Variants in CSTPP1 observed in about 807,000 individuals in gnomAD.
The protein encoded by CSTPP1 is UPF0705 protein C11orf49.
At chr11:46,977,697 A>G in the CSTPP1 span, among the ~76,000 whole-genome samples, 1 of 152,256 alleles carries the variant, frequency 6.6e-6, no homozygotes, top group Non-Finnish European at 1.5e-5. Flanking sequence ...AGAAAAAAAG[A>G]AAATAGTTAT....
the CSTPP1 span, chr11:47,164,245 G>GA: frequency 3.2e-5 from 51 of 1,612,954 alleles, no homozygotes; most frequent in South Asian, 5.6e-4. Flanking sequence ...TGGGAGCCCA[G>GA]AGAGTGAGGC....
At chr11:47,079,812 G>A in the CSTPP1 span, among the ~76,000 whole-genome samples, 1 of 152,018 alleles carries the variant, frequency 6.6e-6, no homozygotes, top group Non-Finnish European at 1.5e-5. Flanking sequence ...GAAGAAATAC[G>A]GCCGGGCGCG....
chr11:47,121,448 C>T, the CSTPP1 span, among the ~76,000 whole-genome samples: 1 of 152,120 alleles, frequency 6.6e-6, no homozygotes, highest in Non-Finnish European at 1.5e-5. Context: ...CTAGATATTA[C>T]TGTGTAAGGT....
At chr11:46,939,560 T>C in the CSTPP1 span, among the ~76,000 whole-genome samples, 1 of 151,882 alleles carries the variant, frequency 6.6e-6, no homozygotes. Context: ...GAGGCTGACG[T>C]AGGAGGATTG....
At chr11:47,146,136 G>A in the CSTPP1 span, among the ~76,000 whole-genome samples, 5 of 152,030 alleles carry the variant, frequency 3.3e-5, no homozygotes, top group Non-Finnish European at 7.4e-5. Flanking sequence ...GCCGAGGCGG[G>A]TGGATCACCT....
the CSTPP1 span, chr11:47,103,619 A>G: frequency 6.6e-6 from 1 of 150,776 alleles, no homozygotes; most frequent in African/African-American, 2.5e-5. Context: ...ATACTGGGGA[A>G]TTTGGAAGGG....
At chr11:46,940,375 C>T in the CSTPP1 span, among the ~76,000 whole-genome samples, 1 of 152,242 alleles carries the variant, frequency 6.6e-6, no homozygotes, top group East Asian at 1.9e-4. Flanking sequence ...ATAAGTTCCA[C>T]AAAGTGGAAT....
At chr11:46,959,104 C>A in the CSTPP1 span, among the ~76,000 whole-genome samples, 1 of 151,990 alleles carries the variant, frequency 6.6e-6, no homozygotes, top group Non-Finnish European at 1.5e-5. Flanking sequence ...AATTTCTACT[C>A]CATTTAAAAA....
At chr11:47,114,620 T>A in the CSTPP1 span, among the ~76,000 whole-genome samples, 1 of 152,226 alleles carries the variant, frequency 6.6e-6, no homozygotes, top group African/African-American at 2.4e-5. Context: ...ACTCATGATT[T>A]GGCTCTCTGT....
chr11:47,045,696 G>A, the CSTPP1 span, among the ~76,000 whole-genome samples: 2 of 152,120 alleles, frequency 1.3e-5, no homozygotes, highest in East Asian at 3.8e-4. Context: ...CAGAATGTGG[G>A]AAACAGTAGT....
chr11:47,075,491 C>T, the CSTPP1 span, among the ~76,000 whole-genome samples: 1 of 152,068 alleles, frequency 6.6e-6, no homozygotes, highest in Non-Finnish European at 1.5e-5. Flanking sequence ...AAATTTTAGA[C>T]GGTGGACAGC....
At chr11:47,037,784 CTCTTTCTACACAGACA>C in the CSTPP1 span, among the ~76,000 whole-genome samples, 1 of 124,616 alleles carries the variant, frequency 8.0e-6, no homozygotes, top group Non-Finnish European at 1.9e-5. Context: ...CCACGTCTAC[CTCTTTCTACACAGACA>C]CGGCAACCAT....
At chr11:47,075,509 T>C in the CSTPP1 span, among the ~76,000 whole-genome samples, 639 of 152,278 alleles carry the variant, frequency 4.2e-3, 1 homozygote, top group Non-Finnish European at 5.9e-3. Flanking sequence ...AGCAGAAGCA[T>C]AAGTAAAAAC....
At chr11:46,952,783 C>T in the CSTPP1 span, among the ~76,000 whole-genome samples, 1 of 152,184 alleles carries the variant, frequency 6.6e-6, no homozygotes, top group East Asian at 1.9e-4. Context: ...CCTCTCTATA[C>T]TCTAGTGAGT....
chr11:47,059,834 G>A, the CSTPP1 span, among the ~76,000 whole-genome samples: 1 of 152,162 alleles, frequency 6.6e-6, no homozygotes, highest in Non-Finnish European at 1.5e-5. Flanking sequence ...GCTGGGCGCG[G>A]TGACTCATGC....
At chr11:47,163,444 T>A in the CSTPP1 span, among the ~76,000 whole-genome samples, 1 of 152,262 alleles carries the variant, frequency 6.6e-6, no homozygotes, top group Admixed American at 6.5e-5. Context: ...CCTCTGCCCA[T>A]CCTTTCTAAT....
At chr11:47,095,839 T>A in the CSTPP1 span, among the ~76,000 whole-genome samples, 5 of 152,164 alleles carry the variant, frequency 3.3e-5, no homozygotes, top group African/African-American at 1.2e-4. Flanking sequence ...ACATTGAGAG[T>A]ACCATTGCAA....
At chr11:47,117,186 G>C in the CSTPP1 span, among the ~76,000 whole-genome samples, 1 of 152,118 alleles carries the variant, frequency 6.6e-6, no homozygotes, top group Non-Finnish European at 1.5e-5. Context: ...TAAGATGTTC[G>C]CTGGTTATTT....
the CSTPP1 span, among the ~76,000 whole-genome samples, chr11:47,142,260 GTTTT>G: frequency 6.8e-6 from 1 of 146,960 alleles, no homozygotes; most frequent in Non-Finnish European, 1.5e-5. Context: ...AAAAAAAAGT[GTTTT>G]TTTTGTGACT....
Sources: allele counts gnomAD v4.1 joint callset (sites outside exome capture counted in the v4.1 genomes callset), GRCh38; gene constraint gnomAD v4.1.1; transcripts MANE v1.5; gene names NCBI Gene and HGNC (gene_info 2026-07-23, HGNC 2026-07-21).